SLC44A1: variants seen among roughly 807,000 people sequenced by gnomAD.
SLC44A1 encodes choline transporter-like protein 1.
SLC44A1 carries 26 observed loss-of-function variants against 79.3 expected under a neutral mutation model. That is an observed-to-expected ratio of 0.33 (90% CI 0.24 to 0.46). The LOEUF is 0.46. Among genes scored for constraint, SLC44A1 ranks in the 20% least tolerant of loss-of-function variants. SLC44A1 has a pLI of 1.00. For synonymous variants in SLC44A1, 263 were observed against 286.2 expected, an observed-to-expected ratio of 0.92 and a Z score of 0.82; for missense variants, 688 against 798.1, an observed-to-expected ratio of 0.86 and a Z score of 1.66.
intron 3 of SLC44A1, among the ~76,000 whole-genome samples, chr9:105,327,176 C>G (rs1359966661): frequency 6.6e-6 from 1 of 152,172 alleles, no homozygotes; most frequent in Non-Finnish European, 1.5e-5. Flanking sequence ...AATTTAGTAG[C>G]CTCCTGGCCA....
chr9:105,323,760 T>C (rs1242653533), intron 3 of SLC44A1, among the ~76,000 whole-genome samples: 15 of 152,334 alleles, frequency 9.8e-5, no homozygotes, highest in Middle Eastern at 3.4e-3. Flanking sequence ...TGGGAACTGC[T>C]TAAATTTTTT....
intron 4 of SLC44A1, among the ~76,000 whole-genome samples, chr9:105,336,968 A>G (rs919341909): frequency 2.6e-5 from 4 of 152,216 alleles, no homozygotes; most frequent in Non-Finnish European, 5.9e-5. Flanking sequence ...ATAAGTTGTT[A>G]TGAAGATTAA....
At position 105,379,015 on chromosome 9, in the gene SLC44A1, C is replaced by T. The variant is rs187722894; in HGVS notation, c.1633-4108C>T. Reference sequence around the variant, plus strand: ...CAGGGCTGGGCTCTGTGGCTCACGCCTGTAATCCCAACACTTTGGGAGGCC... The same window carrying T: ...CAGGGCTGGGCTCTGTGGCTCACGCTTGTAATCCCAACACTTTGGGAGGCC... On this transcript the variant is annotated intron_variant, in intron 13 of 15. Transcript: ENST00000374720. Among the ~76,000 whole-genome samples the T allele has an allele frequency of 2.6e-3, 394 of 152,318 alleles. 2 individuals carry two copies. Among genetic ancestry groups the T allele is most frequent in the Non-Finnish European group, 4.1e-3 (279 of 68,028 alleles).
rs565981611 is a variant in SLC44A1 at position 105,295,781 on chromosome 9, A to G, written c.37-3439A>G. On this transcript the variant is annotated intron_variant, in intron 1 of 15. Transcript: ENST00000374720. The stretch of plus-strand genomic sequence containing the variant: ...GGGAGTGGGGGGGAGGGCGCCAAAG[A>G]CTGATTGTGCAGGTGTGAAACCTTA... 3.3e-5 allele frequency among the ~76,000 whole-genome samples: 5 copies of G among 152,254 alleles called. No individual in the cohort carries two copies. The East Asian group carries it at 7.7e-4, about 24-fold the overall frequency.
rs185042531 is a variant in SLC44A1, at chr9:105,260,819, G to A, written c.36+15915G>A. 5.3e-3 allele frequency among the ~76,000 whole-genome samples: 805 copies of A among 152,236 alleles called. 6 individuals carry two copies. The highest frequency in any genetic ancestry group is 0.019 in the African/African-American group (779 of 41,546). On this transcript the variant is annotated intron_variant, in intron 1 of 15. Coordinates refer to ENST00000374720, the MANE Select transcript of SLC44A1 (RefSeq NM_080546.5). ...TCTTCAAGTCTGCTGCAGCAGAGGG[G>A]CAGTTACAGTTATCACTTAAACTCC... is the stretch of plus-strand genomic sequence containing the variant.
intron 2 of SLC44A1, among the ~76,000 whole-genome samples, chr9:105,308,972 T>G (rs1017425697): frequency 1.3e-5 from 2 of 152,194 alleles, no homozygotes. Context: ...GTATCTACCA[T>G]TTGCCTTTAG....
intron 4 of SLC44A1, among the ~76,000 whole-genome samples, chr9:105,336,848 T>A (rs1300416984): frequency 2.0e-5 from 3 of 152,172 alleles, no homozygotes; most frequent in Non-Finnish European, 4.4e-5. Context: ...GGGTCTGGAT[T>A]CCAGTGCTGA....
Position 105,375,900 on chromosome 9 carries a change from A to ATT in SLC44A1, c.1632+1173_1632+1174dup, listed in dbSNP as rs372506018. ...AACTTATTTCTATATAATTCTTCCC[A>ATT]TTTTTTTTTATCGGCTTGTATTTCT... On this transcript the variant is annotated intron_variant, in intron 13 of 15. Transcript: ENST00000374720. Among the ~76,000 whole-genome samples the ATT allele has an allele frequency of 2.0e-3, 306 of 150,682 alleles. 2 individuals are homozygous for ATT. In the East Asian group the frequency reaches 0.022, roughly 11 times the overall value.
intron 4 of SLC44A1, among the ~76,000 whole-genome samples, chr9:105,343,263 T>A (rs1781712326): frequency 6.6e-6 from 1 of 152,178 alleles, no homozygotes; most frequent in East Asian, 1.9e-4. Flanking sequence ...TGAAAAAAAA[T>A]TTGAGAGCTT....
intron 4 of SLC44A1, among the ~76,000 whole-genome samples, chr9:105,345,743 A>G (rs1827228312): frequency 6.6e-6 from 1 of 152,154 alleles, no homozygotes; most frequent in African/African-American, 2.4e-5. Flanking sequence ...GGCCATAGCA[A>G]CCATTTACCA....
At chr9:105,368,646 G>A (rs896105277) in intron 12 of SLC44A1, among the ~76,000 whole-genome samples, 2 of 152,114 alleles carry the variant, frequency 1.3e-5, no homozygotes, top group African/African-American at 4.8e-5. Flanking sequence ...TTTCTGAGTG[G>A]TGTAAGCAAA....
At chr9:105,245,291 A>C (rs1829408886) in intron 1 of SLC44A1, among the ~76,000 whole-genome samples, 1 of 148,580 alleles carries the variant, frequency 6.7e-6, no homozygotes, top group Non-Finnish European at 1.5e-5. Flanking sequence ...CCTCTCTTCC[A>C]CCTCCGTGGA....
chr9:105,322,697 A>C (rs532013887), intron 3 of SLC44A1, among the ~76,000 whole-genome samples: 1 of 152,266 alleles, frequency 6.6e-6, no homozygotes, highest in East Asian at 1.9e-4. Flanking sequence ...TTTAACAAAA[A>C]ATATTGGGTT....
chr9:105,323,398 G>T (rs1284457948), intron 3 of SLC44A1, among the ~76,000 whole-genome samples: 1 of 152,100 alleles, frequency 6.6e-6, no homozygotes, highest in East Asian at 1.9e-4. Flanking sequence ...CCAGTAGGCA[G>T]ATAATCAAAG....
intron 1 of SLC44A1, among the ~76,000 whole-genome samples, chr9:105,274,576 C>T (rs1027429856): frequency 2.6e-5 from 4 of 152,188 alleles, no homozygotes; most frequent in African/African-American, 9.7e-5. Flanking sequence ...TTCATGTCAC[C>T]TACCTATAGA....
chr9:105,324,064 C>T (rs539409310), intron 3 of SLC44A1, among the ~76,000 whole-genome samples: 2 of 151,928 alleles, frequency 1.3e-5, no homozygotes, highest in Admixed American at 6.6e-5. Flanking sequence ...TGCAGTGGTG[C>T]GATCTAGGCT....
chr9:105,355,153 G>T (rs1050052101), intron 5 of SLC44A1, among the ~76,000 whole-genome samples: 1 of 152,208 alleles, frequency 6.6e-6, no homozygotes, highest in Admixed American at 6.5e-5. Context: ...GTGTATTTAT[G>T]CATGGACATA....
intron 1 of SLC44A1, among the ~76,000 whole-genome samples, chr9:105,268,198 C>T (rs189795480): frequency 2.8e-4 from 42 of 152,188 alleles, no homozygotes; most frequent in African/African-American, 8.7e-4. Context: ...TCATTTTTAG[C>T]CCCATTGTCA....
rs760203279 is a variant in SLC44A1 at position 105,374,586 on chromosome 9, G to T, written c.1495-12G>T. The T allele has an allele frequency of 7.5e-6, 12 of 1,596,352 alleles. No individual in the cohort carries two copies. The highest frequency in any genetic ancestry group is 3.3e-4 in the Middle Eastern group (2 of 5,996). On this transcript the variant is annotated splice_polypyrimidine_tract_variant and intron_variant, in intron 12 of 15. Transcript: ENST00000374720. ...AATTGTTGACGAAAATGTTGTTTTT[G>T]CTTTTGTCCAGAATGCATACACAGC...
Sources: gnomAD v4.1 joint callset for allele counts (sites outside exome capture counted in the v4.1 genomes callset) on GRCh38, gnomAD v4.1.1 for gene constraint, MANE v1.5 for transcripts, NCBI Gene and HGNC (gene_info 2026-07-23, HGNC 2026-07-21) for gene names.